The following DOT1L variants were observed in gnomAD, a reference collection of about 807,000 sequenced individuals.
The protein encoded by DOT1L is DOT1 like histone lysine methyltransferase.
DOT1L carries 33 observed loss-of-function variants against 153.3 expected under a neutral mutation model. That is an observed-to-expected ratio of 0.22 (90% CI 0.16 to 0.29). The LOEUF (loss-of-function observed/expected upper bound fraction) is 0.29. Among genes scored for constraint, DOT1L ranks in the 10% least tolerant of loss-of-function variants. The probability of loss-of-function intolerance (pLI) is 1.00; values close to 1 mark genes in which losing one functional copy is unlikely to be tolerated. For synonymous variants in DOT1L, 1,135 were observed against 965.1 expected, an observed-to-expected ratio of 1.18 and a Z score of -3.26; for missense variants, 1,847 against 2,119.9, an observed-to-expected ratio of 0.87 and a Z score of 2.53.
chr19:2,220,256 C>G lies in DOT1L; in HGVS notation c.2806+34C>G, dbSNP rs1490260957. The G allele has an allele frequency of 4.7e-6, 7 of 1,481,206 alleles. No homozygotes were observed. The highest frequency in any genetic ancestry group is 1.4e-5 in the African/African-American group (1 of 71,718). The allele number at this position is 1,481,206 out of a possible 1,614,324, so 91.8% of individuals were successfully genotyped here. On this transcript the variant is annotated intron_variant, in intron 23 of 27. Coordinates refer to ENST00000398665, the MANE Select transcript of DOT1L (RefSeq NM_032482.3). This position sits in a 1 kb window ranked among gnomAD's most constrained non-coding sequence, Gnocchi z 4.5. ...CCTCCTGTGCCCTACCCTCAGGACT[C>G]TGCTGCTGCTGCTGCTCTTCAGGCA...
intron 9 of DOT1L, 137 bp downstream of exon 9, chr19:2,202,916 T>C (rs2023347619): frequency 8.0e-6 from 6 of 754,146 alleles, no homozygotes; most frequent in South Asian, 6.9e-5. Flanking sequence ...GTGGTCTTCC[T>C]TTATGCTTTT....
intron 25 of DOT1L, 70 bp downstream of exon 25, chr19:2,223,556 G>A (rs1321660225): frequency 9.5e-6 from 3 of 316,758 alleles, no homozygotes; most frequent in African/African-American, 7.2e-5. Context: ...CACTGTGTGT[G>A]TGTGGGTGGG....
At chr19:2,201,539 C>G (rs1276771142) in intron 8 of DOT1L, among the ~76,000 whole-genome samples, 4 of 152,176 alleles carry the variant, frequency 2.6e-5, no homozygotes, top group Admixed American at 2.6e-4. Context: ...CCAAAAGTTT[C>G]CTAGGTTCGC....
At chr19:2,198,347 G>C (rs1436091856) in intron 7 of DOT1L, among the ~76,000 whole-genome samples, 3 of 152,192 alleles carry the variant, frequency 2.0e-5, no homozygotes, top group Non-Finnish European at 4.4e-5. Context: ...GCTCGCCTGC[G>C]CACCTCCCAT....
In DOT1L at chr19:2,193,499, G is replaced by A. The variant is rs1450500475; in HGVS notation, c.494-190G>A. On this transcript the variant is annotated intron_variant, in intron 5 of 27. Coordinates refer to ENST00000398665, the MANE Select transcript of DOT1L (RefSeq NM_032482.3). The surrounding 1 kb of genome is among the most constrained non-coding windows in gnomAD (Gnocchi z 5.9). ...TTGTGATGACCGTCCCCTCGTGGGG[G>A]CTCTGTCAGGGGCCTGGTCTCTGGG... 2.0e-5 allele frequency among the ~76,000 whole-genome samples: 3 copies of A among 152,202 alleles called. No homozygotes were observed. The highest frequency in any genetic ancestry group is 7.2e-5 in the African/African-American group (3 of 41,458).
In DOT1L at chr19:2,229,893, G is replaced by A; in HGVS notation, c.*101G>A. 2 of 1,604,854 alleles carry A rather than the reference G, an allele frequency of 1.2e-6. No homozygotes were observed. The highest frequency in any genetic ancestry group is 1.1e-5 in the South Asian group (1 of 90,868). The stretch of plus-strand genomic sequence containing the variant: ...CCTGCCGGGCTCCCACCCCTGGACG[G>A]CAGAGGCAAGGACGGACGGGAGCTC... On this transcript the variant is annotated 3_prime_UTR_variant, in exon 28 of 28. Coordinates refer to ENST00000398665, the MANE Select transcript of DOT1L (RefSeq NM_032482.3).
intron 27 of DOT1L, chr19:2,228,040 C>G (rs1440476196): frequency 1.5e-6 from 2 of 1,304,614 alleles, no homozygotes; most frequent in Admixed American, 2.3e-5. Context: ...CTGCTGGCCT[C>G]TAACCCTGAG....
At chr19:2,214,041 C>T (rs1035692410) in intron 18 of DOT1L, 55 bp downstream of exon 18, 111 of 1,573,736 alleles carry the variant, frequency 7.1e-5, no homozygotes, top group Middle Eastern at 1.9e-4. Context: ...CCTGCCTGGG[C>T]GGGTGTGTCC....
In DOT1L at chr19:2,230,923, T is replaced by G; in HGVS notation, c.*1131T>G. On this transcript the variant is annotated 3_prime_UTR_variant, in exon 28 of 28. Coordinates refer to ENST00000398665, the MANE Select transcript of DOT1L (RefSeq NM_032482.3). ...ACCCATCCCTTGGAGCCTGTGCTGG[T>G]TCTCCCAGCTGCTGTGGGTGTGCTG... is the stretch of plus-strand genomic sequence containing the variant. 1 of 278,724 alleles carries G rather than the reference T, an allele frequency of 3.6e-6. No homozygotes were observed. Among genetic ancestry groups the G allele is most frequent in the Non-Finnish European group, 6.7e-6 (1 of 149,640 alleles). 17.3% of individuals were successfully genotyped at this position (278,724 alleles called of 1,614,324 possible). A position where few individuals can be genotyped will look rare whatever the true frequency, so the allele number is the denominator to read the frequency against.
chr19:2,198,526 G>A (rs1026573091), intron 7 of DOT1L, among the ~76,000 whole-genome samples: 2 of 152,216 alleles, frequency 1.3e-5, no homozygotes, highest in African/African-American at 4.8e-5. Flanking sequence ...GGCTGAGTGG[G>A]TGGGCCACCC....
chr19:2,181,031 G>C (rs996978510), intron 2 of DOT1L, among the ~76,000 whole-genome samples: 1 of 152,220 alleles, frequency 6.6e-6, no homozygotes, highest in Non-Finnish European at 1.5e-5. Context: ...CAGTCTCCCT[G>C]CTGTGGGTTT....
chr19:2,224,330 T>C (rs2024240852), intron 25 of DOT1L, among the ~76,000 whole-genome samples: 1 of 152,178 alleles, frequency 6.6e-6, no homozygotes, highest in Non-Finnish European at 1.5e-5. Context: ...AGCCACACCA[T>C]TCCACCCTGC....
At position 2,193,268 on chromosome 19, in the gene DOT1L, G is replaced by A. The variant is rs1445645068; in HGVS notation, c.494-421G>A. 6.6e-6 allele frequency among the ~76,000 whole-genome samples: 1 copy of A among 152,208 alleles called. No homozygotes were observed. The highest frequency in any genetic ancestry group is 1.5e-5 in the Non-Finnish European group (1 of 68,042). ...TCAGATCCTGCTCATGAGCCTTCCT[G>A]GGGTGCCATAAGATTTTATCAGCCA... On this transcript the variant is annotated intron_variant, in intron 5 of 27. Coordinates refer to ENST00000398665, the MANE Select transcript of DOT1L (RefSeq NM_032482.3). The surrounding 1 kb of genome is among the most constrained non-coding windows in gnomAD (Gnocchi z 5.9).
At chr19:2,189,817 AGAGG>A (rs1287969402) in intron 4 of DOT1L, 22 bp downstream of exon 4, 1 of 1,610,628 alleles carries the variant, frequency 6.2e-7, no homozygotes, top group Non-Finnish European at 8.5e-7. Context: ...GCCCCTGCCC[AGAGG>A]GGGTTAGTAG....
intron 1 of DOT1L, among the ~76,000 whole-genome samples, chr19:2,177,737 C>A (rs1037956492): frequency 6.6e-6 from 1 of 152,064 alleles, no homozygotes; most frequent in African/African-American, 2.4e-5. Flanking sequence ...TCTGCCCAGC[C>A]CCGGCTCTTG....
Position 2,191,343 on chromosome 19 carries a change from G to T in DOT1L, c.493+103G>T. 4.1e-6 allele frequency: 5 copies of T among 1,216,414 alleles called. No individual in the cohort carries two copies. The highest frequency in any genetic ancestry group is 5.9e-6 in the Non-Finnish European group (5 of 842,986). The allele number at this position is 1,216,414 out of a possible 1,614,324, so 75.4% of individuals were successfully genotyped here. A position where few individuals can be genotyped will look rare whatever the true frequency, so the allele number is the denominator to read the frequency against. ...GAAGAGTTTATCAGGGACTTGCGAC[G>T]TTGGCGTGGACAGTGCTTCCTTCTC... On this transcript the variant is annotated intron_variant, in intron 5 of 27. Coordinates refer to ENST00000398665, the MANE Select transcript of DOT1L (RefSeq NM_032482.3). This position sits in a 1 kb window ranked among gnomAD's most constrained non-coding sequence, Gnocchi z 6.8.
chr19:2,188,494 C>CCCCCCCCCG lies in DOT1L; in HGVS notation c.201-1238_201-1237insCCCCCCCCG, dbSNP rs1491479536. On this transcript the variant is annotated intron_variant, in intron 3 of 27. Coordinates refer to ENST00000398665, the MANE Select transcript of DOT1L (RefSeq NM_032482.3). Reference sequence around the variant, plus strand: ...CCCCAGCCGCCGCCCCCCCCCCCCCCACCCGCACAGGTGCAGGCCCCCTCG... The same window carrying CCCCCCCCCG: ...CCCCAGCCGCCGCCCCCCCCCCCCCCCCCCCCCCGACCCGCACAGGTGCAGGCCCCCTCG... 1.1e-4 allele frequency among the ~76,000 whole-genome samples: 13 copies of CCCCCCCCCG among 117,630 alleles called. 1 individual carries two copies. The highest frequency in any genetic ancestry group is 6.6e-4 in the South Asian group (2 of 3,036). 77.2% of individuals were successfully genotyped at this position (117,630 alleles called of 152,430 possible).
At chr19:2,227,434 C>CGGGCTCTGGCA (rs1308350605) in intron 27 of DOT1L, 2 of 614,604 alleles carry the variant, frequency 3.3e-6, no homozygotes, top group Non-Finnish European at 6.2e-6. Context: ...TGTGGCCGCC[C>CGGGCTCTGGCA]GGGCTCTGGC....
intron 1 of DOT1L, among the ~76,000 whole-genome samples, chr19:2,179,244 C>T (rs1297157619): frequency 2.6e-5 from 4 of 152,180 alleles, no homozygotes; most frequent in Admixed American, 6.5e-5. Context: ...AGGCTCGTGG[C>T]GGCTGCGTGT....
Sources: allele counts gnomAD v4.1 joint callset (sites outside exome capture counted in the v4.1 genomes callset), GRCh38; gene constraint gnomAD v4.1.1; non-coding constraint Gnocchi (gnomAD v3.1); transcripts MANE v1.5; gene names NCBI Gene and HGNC (gene_info 2026-07-23, HGNC 2026-07-21).